ACACA: variants seen among roughly 807,000 people sequenced by gnomAD.
ACACA encodes the protein acetyl-CoA carboxylase alpha.
Under a neutral mutation model 296.1 loss-of-function variants are expected in ACACA, and 103 were observed. The observed-to-expected ratio is 0.35, with a 90% CI of 0.30 to 0.41. ACACA has a LOEUF of 0.41. Among genes scored for constraint, ACACA ranks in the 10% least tolerant of loss-of-function variants. ACACA has a pLI of 1.00. For missense variants in ACACA, 1,554 were observed against 2,989.7 expected, an observed-to-expected ratio of 0.52 and a Z score of 11.20; for synonymous variants, 953 against 1,038.6, an observed-to-expected ratio of 0.92 and a Z score of 1.58.
chr17:37,300,456 A>C (rs34915260), intron 3 of ACACA, among the ~76,000 whole-genome samples: 76,157 of 151,894 alleles, frequency 0.5, 21,706 homozygotes, highest in East Asian at 0.75. Context: ...AGTCCTCAGG[A>C]CTGTACACCA....
chr17:37,326,698 G>T (rs971007499), intron 3 of ACACA, among the ~76,000 whole-genome samples: 4 of 151,732 alleles, frequency 2.6e-5, no homozygotes, highest in African/African-American at 9.7e-5. Flanking sequence ...GCATGGTAGC[G>T]GGTGCCTGTA....
rs990674829 is a variant in ACACA at position 37,365,719 on chromosome 17, C to T, written c.39-25869G>A. On this transcript the variant is annotated intron_variant, in intron 1 of 55. Transcript: ENST00000616317. ...ACTTCATACCATAAGGTCAGAAAAT[C>T]TCCTCAGGAAGGCCACTTCATAAGT... 6 of 985,310 alleles carry T rather than the reference C, an allele frequency of 6.1e-6. No individual in the cohort carries two copies. In the Admixed American group the frequency reaches 1.8e-4, roughly 30 times the overall value. 61.0% of individuals were successfully genotyped at this position (985,310 alleles called of 1,614,324 possible).
At chr17:37,090,752 C>T (rs976023295) in intron 54 of ACACA, among the ~76,000 whole-genome samples, 22 of 152,204 alleles carry the variant, frequency 1.4e-4, no homozygotes, top group East Asian at 9.7e-4. Flanking sequence ...TGGATGGGTC[C>T]CCCTGGACTC....
chr17:37,183,854 T>G (rs1468809795), intron 39 of ACACA, among the ~76,000 whole-genome samples: 1 of 146,452 alleles, frequency 6.8e-6, no homozygotes, highest in Non-Finnish European at 1.5e-5. Flanking sequence ...AGTCCTTTTT[T>G]TTTTTTTTTT....
intron 1 of ACACA, among the ~76,000 whole-genome samples, chr17:37,386,474 C>G (rs1174670807): frequency 6.6e-6 from 1 of 151,996 alleles, no homozygotes; most frequent in African/African-American, 2.4e-5. Flanking sequence ...TACCTGTAAC[C>G]CCAGCTACTT....
intron 1 of ACACA, among the ~76,000 whole-genome samples, chr17:37,386,421 G>A (rs544197278): frequency 2.0e-5 from 3 of 152,120 alleles, no homozygotes; most frequent in South Asian, 2.1e-4. Flanking sequence ...GTGAAAACCC[G>A]CCTCTACTAA....
intron 1 of ACACA, among the ~76,000 whole-genome samples, chr17:37,393,170 A>G (rs2050955106): frequency 6.6e-6 from 1 of 151,654 alleles, no homozygotes; most frequent in Non-Finnish European, 1.5e-5. Flanking sequence ...AAAAAAAAAG[A>G]ACCTCTAAAT....
chr17:37,254,490 T>A (rs1051412502), intron 14 of ACACA, among the ~76,000 whole-genome samples: 4 of 152,082 alleles, frequency 2.6e-5, no homozygotes, highest in African/African-American at 9.7e-5. Context: ...CTAGACTGAG[T>A]TAGTTGACTC....
In ACACA at chr17:37,211,346, G is replaced by A. The variant is rs762774507; in HGVS notation, c.3684-856C>T. Among the ~76,000 whole-genome samples, 4 of 152,240 alleles carry A rather than the reference G, an allele frequency of 2.6e-5. 1 individual carries two copies. Among genetic ancestry groups the A allele is most frequent in the Middle Eastern group, 6.8e-3 (2 of 294 alleles). On this transcript the variant is annotated intron_variant, in intron 29 of 55. Coordinates refer to ENST00000616317, the MANE Select transcript of ACACA (RefSeq NM_198834.3). Reference sequence around the variant, plus strand: ...TGCCAAATCATGAAAGAAAGACCACGATAAGAATAGGAAACTACAAGGCAC... The same window carrying A: ...TGCCAAATCATGAAAGAAAGACCACAATAAGAATAGGAAACTACAAGGCAC...
At chr17:37,281,507 T>G (rs1338856525) in intron 5 of ACACA, among the ~76,000 whole-genome samples, 2 of 152,218 alleles carry the variant, frequency 1.3e-5, no homozygotes, top group South Asian at 4.1e-4. Context: ...CTTATTCAAC[T>G]GTCAATCTCC....
At chr17:37,262,739 A>G (rs768493791) in intron 11 of ACACA, among the ~76,000 whole-genome samples, 13 of 152,020 alleles carry the variant, frequency 8.6e-5, no homozygotes, top group Admixed American at 1.3e-4. Context: ...TTATTTATTT[A>G]TTTGTTTTGA....
At chr17:37,220,684 G>C (rs1485508152) in intron 29 of ACACA, among the ~76,000 whole-genome samples, 1 of 152,214 alleles carries the variant, frequency 6.6e-6, no homozygotes, top group African/African-American at 2.4e-5. Context: ...CTGAGACAAA[G>C]AAGAGAGGTA....
At chr17:37,248,288 C>T in intron 17 of ACACA, 132 bp from the exon 18 acceptor site, 3 of 1,166,358 alleles carry the variant, frequency 2.6e-6, no homozygotes, top group Non-Finnish European at 3.7e-6. Context: ...ATGCTATTTG[C>T]ATCAGTGTCT....
chr17:37,303,801 T>A (rs2083743196), intron 3 of ACACA, among the ~76,000 whole-genome samples: 1 of 152,194 alleles, frequency 6.6e-6, no homozygotes, highest in Non-Finnish European at 1.5e-5. Context: ...GAGGTTGCAG[T>A]GAGCCAAGAT....
At chr17:37,203,674 CG>C (rs1467839696) in intron 33 of ACACA, among the ~76,000 whole-genome samples, 1 of 151,898 alleles carries the variant, frequency 6.6e-6, no homozygotes, top group East Asian at 1.9e-4. Context: ...ACCCAGGAGG[CG>C]GGGGTTGCTG....
chr17:37,356,684 A>AT (rs975313669), intron 1 of ACACA, among the ~76,000 whole-genome samples: 1 of 152,082 alleles, frequency 6.6e-6, no homozygotes, highest in Non-Finnish European at 1.5e-5. Flanking sequence ...GGCAGCTTCT[A>AT]TAATTGTTAA....
chr17:37,347,269 G>T (rs1044430977), intron 1 of ACACA, among the ~76,000 whole-genome samples: 1 of 152,078 alleles, frequency 6.6e-6, no homozygotes, highest in Admixed American at 6.6e-5. Context: ...CTTGCCTTCC[G>T]CCATGATTGT....
At chr17:37,207,598 C>A (rs1045486572) in intron 31 of ACACA, 59 bp downstream of exon 31, 1 of 1,602,528 alleles carries the variant, frequency 6.2e-7, no homozygotes, top group Non-Finnish European at 8.5e-7. Flanking sequence ...AAAGATGAGA[C>A]CCCAAAACAC....
rs1354742914 is a variant in ACACA, at chr17:37,094,779, G to A, written c.6891+2217C>T. Among the ~76,000 whole-genome samples, 7 of 152,218 alleles carry A rather than the reference G, an allele frequency of 4.6e-5. No individual in the cohort carries two copies. The East Asian group carries it at 7.7e-4, about 17-fold the overall frequency. On this transcript the variant is annotated intron_variant, in intron 54 of 55. Coordinates refer to ENST00000616317, the MANE Select transcript of ACACA (RefSeq NM_198834.3). The stretch of plus-strand genomic sequence containing the variant: ...ATGCCCTGACATCATAGGATTACCC[G>A]TCCTCACGTTCAGTCCTTGGCATTC...
Sources: allele counts gnomAD v4.1 joint callset (sites outside exome capture counted in the v4.1 genomes callset), GRCh38; gene constraint gnomAD v4.1.1; transcripts MANE v1.5; gene names NCBI Gene and HGNC (gene_info 2026-07-23, HGNC 2026-07-21).